Variants in PLA2R1 observed in about 807,000 individuals in gnomAD.
PLA2R1 encodes secretory phospholipase A2 receptor.
A neutral mutation model predicts 195.9 loss-of-function variants in PLA2R1; 158 were observed. The observed-to-expected ratio is 0.81, with a 90% CI of 0.71 to 0.92. PLA2R1 has a LOEUF of 0.92. PLA2R1 is among the 40% of genes least tolerant of loss of function. The probability of loss-of-function intolerance (pLI) is 0.00; values close to 1 mark genes in which losing one functional copy is unlikely to be tolerated. For synonymous variants in PLA2R1, 586 were observed against 598.2 expected, an observed-to-expected ratio of 0.98 and a Z score of 0.30; for missense variants, 1,626 against 1,764.6, an observed-to-expected ratio of 0.92 and a Z score of 1.41.
intron 24 of PLA2R1, among the ~76,000 whole-genome samples, chr2:159,951,024 G>A (rs1687704174): frequency 6.6e-6 from 1 of 152,154 alleles, no homozygotes; most frequent in East Asian, 1.9e-4. Context: ...CAGTGCTTGA[G>A]TTTCAGCTGT....
chr2:160,022,528 T>A lies in PLA2R1; in HGVS notation c.1294+137A>T, dbSNP rs142890559. ...AATCCAATAAATTTGAACTCCTGAA[T>A]AACATTTAGAAACTTTAAATATATG... On this transcript the variant is annotated intron_variant, in intron 7 of 29. Coordinates refer to ENST00000283243, the MANE Select transcript of PLA2R1 (RefSeq NM_007366.5). 2,385 of 452,802 alleles carry A rather than the reference T, an allele frequency of 5.3e-3. 53 individuals carry two copies. Among genetic ancestry groups the A allele is most frequent in the African/African-American group, 0.043 (2,146 of 50,016 alleles). The allele number at this position is 452,802 out of a possible 1,614,324, so 28.0% of individuals were successfully genotyped here.
intron 5 of PLA2R1, 75 bp from the exon 6 acceptor site, chr2:160,028,436 A>G: frequency 9.7e-7 from 1 of 1,030,374 alleles, no homozygotes; most frequent in Non-Finnish European, 1.5e-6. Context: ...TGTGGTTTTC[A>G]GCATCGGGGG....
intron 1 of PLA2R1, among the ~76,000 whole-genome samples, chr2:160,057,738 T>A (rs1324757491): frequency 6.6e-6 from 1 of 152,188 alleles, no homozygotes; most frequent in African/African-American, 2.4e-5. Context: ...CAGTGTCATA[T>A]CCTACTCATG....
chr2:159,930,277 A>G (rs575789367), downstream of PLA2R1, among the ~76,000 whole-genome samples: 39 of 152,244 alleles, frequency 2.6e-4, no homozygotes, highest in South Asian at 3.5e-3. Flanking sequence ...GCATGGTGGC[A>G]CGCGCCTGTA....
chr2:159,977,315 G>A lies in PLA2R1; in HGVS notation c.2370C>T (p.Ser790=). ...NKTLLPLHCG[S]KREWICKIPR... ...GGATTTTGCATATCCATTCACGTTT[G>A]GAACCACAGTGTAAGGGCAGCAATG... Residue 790 remains serine, a synonymous_variant, in exon 15 of 30, where the codon TCC becomes TCT. Coordinates refer to ENST00000283243, the MANE Select transcript of PLA2R1 (RefSeq NM_007366.5). 1.9e-6 allele frequency: 3 copies of A among 1,612,478 alleles called. No homozygotes were observed. The highest frequency in any genetic ancestry group is 2.5e-6 in the Non-Finnish European group (3 of 1,178,714).
chr2:159,926,969 CA>C, the PLA2R1 span, among the ~76,000 whole-genome samples: 1 of 152,116 alleles, frequency 6.6e-6, no homozygotes, highest in African/African-American at 2.4e-5. Flanking sequence ...CCCAAATCTC[CA>C]AACTTGCTTA....
chr2:159,941,986 C>T lies in PLA2R1; in HGVS notation c.4184G>A (p.Ser1395Asn). The T allele has an allele frequency of 1.9e-6, 3 of 1,612,624 alleles. No individual in the cohort carries two copies. Among genetic ancestry groups the T allele is most frequent in the Non-Finnish European group, 1.7e-6 (2 of 1,179,036 alleles). ...TAEALPEKGP[S>N]HSIIPLAVVL... The stretch of plus-strand genomic sequence containing the variant: ...AACCGCAAGAGGAATGATGCTGTGA[C>T]TTGGTCCTGAAAGAAGATATTTTTC... Residue 1395 changes from serine to asparagine, a missense_variant, in exon 30 of 30, where the codon AGT becomes AAT. Coordinates refer to ENST00000283243, the MANE Select transcript of PLA2R1 (RefSeq NM_007366.5).
intron 11 of PLA2R1, among the ~76,000 whole-genome samples, chr2:159,989,972 A>G (rs1690649245): frequency 6.6e-6 from 1 of 152,208 alleles, no homozygotes; most frequent in Non-Finnish European, 1.5e-5. Context: ...GTGAACCACT[A>G]TGAAGATGAA....
intron 3 of PLA2R1, among the ~76,000 whole-genome samples, chr2:160,037,807 A>G (rs1694255349): frequency 6.6e-6 from 1 of 152,176 alleles, no homozygotes; most frequent in South Asian, 2.1e-4. Flanking sequence ...AAAACCTTCC[A>G]TGACTCCCAA....
chr2:159,945,031 C>T lies in PLA2R1; in HGVS notation c.4019G>A (p.Gly1340Asp), dbSNP rs1687295183. The change falls in exon 28 of 30, where the codon GGC (glycine) becomes GAC (aspartate). Residue 1340 changes from glycine to aspartate, a missense_variant. By Grantham distance (94) the Gly-to-Asp change is moderately conservative (BLOSUM62 -1). Coordinates refer to ENST00000283243, the MANE Select transcript of PLA2R1 (RefSeq NM_007366.5). The part of the protein sequence containing the change: ...DGTPTDQSNW[G>D]IRKPDTDYFK... Reference sequence around the variant, plus strand: ...GTAGTCTGTGTCTGGCTTCCGAATGCCCCAGTTTGACTGGTCTGTGGGAGT... The same window carrying T: ...GTAGTCTGTGTCTGGCTTCCGAATGTCCCAGTTTGACTGGTCTGTGGGAGT... The T allele has an allele frequency of 1.2e-6, 2 of 1,613,484 alleles. No individual in the cohort carries two copies. Among genetic ancestry groups the T allele is most frequent in the African/African-American group, 1.3e-5 (1 of 74,874 alleles).
Position 160,020,178 on chromosome 2 carries a change from A to G in PLA2R1, c.1380T>C (p.Phe460=). 1 of 1,613,212 alleles carries G rather than the reference A, an allele frequency of 6.2e-7. No individual in the cohort carries two copies. The highest frequency in any genetic ancestry group is 1.1e-5 in the South Asian group (1 of 91,068). The stretch of plus-strand genomic sequence containing the variant: ...GGGGCTCAAGTGTGTGCCAATTAGT[A>G]AAGATGACTGAAGAGTCATTAGACC... The part of the protein sequence containing the change: ...FEWSNDSSVI[F]TNWHTLEPHI... The change falls in exon 8 of 30, where the codon TTT becomes TTC. Residue 460 remains phenylalanine (F), a synonymous_variant. Coordinates refer to ENST00000283243, the MANE Select transcript of PLA2R1 (RefSeq NM_007366.5).
At chr2:160,012,548 A>G (rs1004516062) in intron 10 of PLA2R1, among the ~76,000 whole-genome samples, 3 of 152,190 alleles carry the variant, frequency 2.0e-5, no homozygotes, top group Non-Finnish European at 2.9e-5. Flanking sequence ...TATCCTCCAC[A>G]TTTTATAGCT....
chr2:160,037,761 T>C (rs553903412), intron 3 of PLA2R1, among the ~76,000 whole-genome samples: 84 of 152,316 alleles, frequency 5.5e-4, no homozygotes, highest in Non-Finnish European at 9.4e-4. Flanking sequence ...CTTCTACTCA[T>C]CTCTTGGGCT....
At chr2:160,002,102 C>A (rs777496698) in intron 11 of PLA2R1, among the ~76,000 whole-genome samples, 4 of 151,462 alleles carry the variant, frequency 2.6e-5, no homozygotes, top group African/African-American at 9.7e-5. Context: ...CCAAACAAAC[C>A]GTATTTCTTG....
chr2:160,029,002 G>A, intron 4 of PLA2R1, 39 bp from the exon 5 acceptor site: 2 of 1,073,842 alleles, frequency 1.9e-6, no homozygotes, highest in Non-Finnish European at 2.9e-6. Context: ...AAAAAATCCA[G>A]TGTTACACAT....
At chr2:160,007,702 T>A (rs1298467473) in intron 10 of PLA2R1, among the ~76,000 whole-genome samples, 3 of 152,234 alleles carry the variant, frequency 2.0e-5, no homozygotes, top group African/African-American at 7.2e-5. Flanking sequence ...AAGACTTGTA[T>A]ACTGAAAACT....
Position 159,956,473 on chromosome 2 carries a change from T to C in PLA2R1, c.3022+37A>G, listed in dbSNP as rs779649555. Reference sequence around the variant, plus strand: ...ATTTTAATAAATACTTGAATAAAAATGGTTATCTTGGCCTGGTTGGATCTT... The same window carrying C: ...ATTTTAATAAATACTTGAATAAAAACGGTTATCTTGGCCTGGTTGGATCTT... On this transcript the variant is annotated intron_variant, in intron 21 of 29. Transcript: ENST00000283243. 8.8e-6 allele frequency: 9 copies of C among 1,017,394 alleles called. No individual in the cohort carries two copies. In the South Asian group the frequency reaches 1.0e-4, roughly 12 times the overall value. 63.0% of individuals were successfully genotyped at this position (1,017,394 alleles called of 1,614,324 possible).
At position 159,953,104 on chromosome 2, in the gene PLA2R1, T is replaced by C. The variant is rs114667499; in HGVS notation, c.3302-1526A>G. On this transcript the variant is annotated intron_variant, in intron 23 of 29. Transcript: ENST00000283243. The stretch of plus-strand genomic sequence containing the variant: ...TTTGTATATGTTACCCAAATGCCAA[T>C]TTGACTGTTTTTTCCCCACTGAGTT... Among the ~76,000 whole-genome samples, 1,331 of 152,314 alleles carry C rather than the reference T, an allele frequency of 8.7e-3. 11 individuals carry two copies. Among genetic ancestry groups the C allele is most frequent in the African/African-American group, 0.029 (1,223 of 41,576 alleles).
Position 159,932,873 on chromosome 2 carries a change from T to G in PLA2R1, c.*8905A>C, listed in dbSNP as rs1332715904. 2.0e-5 allele frequency: 3 copies of G among 152,084 alleles called. No homozygotes were observed. The highest frequency in any genetic ancestry group is 6.6e-5 in the Admixed American group (1 of 15,260). The allele number at this position is 152,084 out of a possible 1,614,324, so 9.4% of individuals were successfully genotyped here. On this transcript the variant is annotated 3_prime_UTR_variant, in exon 30 of 30. Coordinates refer to ENST00000283243, the MANE Select transcript of PLA2R1 (RefSeq NM_007366.5). Reference sequence around the variant, plus strand: ...TGAAAAATATCCAGGAACATATACATTGGATCTAATATAAATAAGAGACTT... The same window carrying G: ...TGAAAAATATCCAGGAACATATACAGTGGATCTAATATAAATAAGAGACTT...
Sources: gnomAD v4.1 joint callset for allele counts (sites outside exome capture counted in the v4.1 genomes callset) on GRCh38, gnomAD v4.1.1 for gene constraint, MANE v1.5 for transcripts, NCBI Gene and HGNC (gene_info 2026-07-23, HGNC 2026-07-21) for gene names.